Variants in AGPAT3 observed in about 807,000 individuals in gnomAD.
AGPAT3 encodes the protein 1-acyl-sn-glycerol-3-phosphate acyltransferase gamma.
A neutral mutation model predicts 47.3 loss-of-function variants in AGPAT3; 5 were observed. The ratio of observed to expected loss-of-function variants is 0.11; its 90% CI spans 0.06 to 0.22. The LOEUF (loss-of-function observed/expected upper bound fraction) is 0.22. Among genes scored for constraint, AGPAT3 ranks in the 10% least tolerant of loss-of-function variants. AGPAT3 has a pLI of 1.00. For synonymous variants in AGPAT3, 212 were observed against 208.3 expected, an observed-to-expected ratio of 1.02 and a Z score of -0.15; for missense variants, 315 against 493.0, an observed-to-expected ratio of 0.64 and a Z score of 3.42.
rs2087280832 is a variant in AGPAT3 at position 43,932,383 on chromosome 21, T to G, written c.-48-27251T>G. ...GACTTGTCGTTCTGTGACTGGCTGATTATCCACTTAGTGTCGGGTCTACCA... is the reference window on the plus strand; with the variant it reads ...GACTTGTCGTTCTGTGACTGGCTGAGTATCCACTTAGTGTCGGGTCTACCA... On this transcript the variant is annotated intron_variant, in intron 2 of 9. Transcript: ENST00000291572. This position sits in a 1 kb window ranked among gnomAD's most constrained non-coding sequence, Gnocchi z 5.2. Among the ~76,000 whole-genome samples the G allele has an allele frequency of 6.6e-6, 1 of 152,190 alleles. No homozygotes were observed. Among genetic ancestry groups the G allele is most frequent in the South Asian group, 2.1e-4 (1 of 4,828 alleles).
At chr21:43,958,555 TGTG>T (rs759081172) in intron 2 of AGPAT3, among the ~76,000 whole-genome samples, 23 of 151,562 alleles carry the variant, frequency 1.5e-4, no homozygotes, top group Non-Finnish European at 2.4e-4. Context: ...TTGTGGTGTG[TGTG>T]GTGCGTGTGG....
chr21:43,958,802 A>C (rs1268903437), intron 2 of AGPAT3, among the ~76,000 whole-genome samples: 1 of 91,590 alleles, frequency 1.1e-5, no homozygotes, highest in Admixed American at 1.2e-4. Context: ...TGTGGTTTGC[A>C]GTGTGTGTAG....
At chr21:43,912,843 A>G (rs1458016482) in intron 2 of AGPAT3, among the ~76,000 whole-genome samples, 2 of 152,196 alleles carry the variant, frequency 1.3e-5, no homozygotes, top group South Asian at 2.1e-4. Flanking sequence ...CTGTGCATGC[A>G]CGAGGCTGGC....
intron 8 of AGPAT3, 149 bp from the exon 9 acceptor site, chr21:43,980,840 C>T (rs1332803186): frequency 4.1e-6 from 3 of 735,776 alleles, no homozygotes; most frequent in South Asian, 1.8e-5. Flanking sequence ...GCTTCGCCTG[C>T]ACCTGCAGCT....
Position 43,975,068 on chromosome 21 carries a change from TATGTGCTGGCATGTTGC to T in AGPAT3, c.768-2963_768-2947del, listed in dbSNP as rs946415801. Among the ~76,000 whole-genome samples, 5 of 152,184 alleles carry T rather than the reference TATGTGCTGGCATGTTGC, an allele frequency of 3.3e-5. No homozygotes were observed. The South Asian group carries it at 8.3e-4, about 25-fold the overall frequency. ...GTGTTGTGCACTCGCATGTGATGTGTATGTGCTGGCATGTTGCATGTGCTGGCATGTGCCAGTGTGTG... is the reference window on the plus strand; with the variant it reads ...GTGTTGTGCACTCGCATGTGATGTGTATGTGCTGGCATGTGCCAGTGTGTG... On this transcript the variant is annotated intron_variant, in intron 7 of 9. Transcript: ENST00000291572.
chr21:43,899,118 C>T (rs1002297139), intron 1 of AGPAT3, among the ~76,000 whole-genome samples: 9 of 152,272 alleles, frequency 5.9e-5, no homozygotes, highest in Middle Eastern at 6.8e-3. Flanking sequence ...CCTTGAAGTG[C>T]ACGTACATGA....
chr21:43,967,906 A>AG, intron 3 of AGPAT3, 40 bp from the exon 4 acceptor site: 1 of 1,595,066 alleles, frequency 6.3e-7, no homozygotes, highest in Non-Finnish European at 8.6e-7. Flanking sequence ...TCCCAGGAGG[A>AG]GGGGTCCTAC....
At chr21:43,917,553 G>A (rs1299671222) in intron 2 of AGPAT3, among the ~76,000 whole-genome samples, 1 of 152,196 alleles carries the variant, frequency 6.6e-6, no homozygotes, top group South Asian at 2.1e-4. Flanking sequence ...ACAAGAGCAC[G>A]TCGGGTATAA....
In AGPAT3 at chr21:43,955,236, A is replaced by T. The variant is rs2088391372; in HGVS notation, c.-48-4398A>T. 2 of 1,227,470 alleles carry T rather than the reference A, an allele frequency of 1.6e-6. No individual in the cohort carries two copies. The highest frequency in any genetic ancestry group is 3.1e-5 in the African/African-American group (2 of 63,942). 76.0% of individuals were successfully genotyped at this position (1,227,470 alleles called of 1,614,324 possible). On this transcript the variant is annotated intron_variant, in intron 2 of 9. Transcript: ENST00000291572. The surrounding 1 kb of genome is among the most constrained non-coding windows in gnomAD (Gnocchi z 4.1). ...TGGGATTCTGTGTTTGTGAACCTCT[A>T]GAAAAGGTAAATTAACCTATAGAGC...
chr21:43,909,156 C>T (rs372838903), intron 2 of AGPAT3, among the ~76,000 whole-genome samples: 1 of 152,244 alleles, frequency 6.6e-6, no homozygotes, highest in African/African-American at 2.4e-5. Flanking sequence ...GGTCTGGGTG[C>T]TCCAAGGGCC....
At chr21:43,906,838 G>T (rs535806009) in intron 2 of AGPAT3, among the ~76,000 whole-genome samples, 1 of 152,150 alleles carries the variant, frequency 6.6e-6, no homozygotes, top group African/African-American at 2.4e-5. Flanking sequence ...CCCGTGCTCC[G>T]CCTGGGCGAG....
chr21:43,950,761 C>G (rs1410422643), intron 2 of AGPAT3: 1 of 152,318 alleles, frequency 6.6e-6, no homozygotes, highest in Non-Finnish European at 1.5e-5. Context: ...TTCCCTGTTC[C>G]CCAGCCCGCA....
At chr21:43,928,871 T>A (rs1213268051) in intron 2 of AGPAT3, among the ~76,000 whole-genome samples, 1 of 152,186 alleles carries the variant, frequency 6.6e-6, no homozygotes, top group African/African-American at 2.4e-5. Context: ...ACACCAATCC[T>A]CTTTTTGCCC....
chr21:43,981,070 C>T lies in AGPAT3; in HGVS notation c.925C>T (p.Leu309=), dbSNP rs769213682. 2 of 1,614,104 alleles carry T rather than the reference C, an allele frequency of 1.2e-6. No homozygotes were observed. The highest frequency in any genetic ancestry group is 1.3e-5 in the African/African-American group (1 of 74,934). Residue 309 remains leucine (L), a synonymous_variant, in exon 9 of 10, where the codon CTG becomes TTG. Coordinates refer to ENST00000291572, the MANE Select transcript of AGPAT3 (RefSeq NM_020132.5). This position sits in a 1 kb window ranked among gnomAD's most constrained non-coding sequence, Gnocchi z 5.3. ...GCCTGCCCGGAGGCCGTGGACCCTC[C>T]TGAACTTCCTGTCCTGGGCCACCAT... is the stretch of plus-strand genomic sequence containing the variant. ...FKPARRPWTL[L]NFLSWATILL... is the part of the protein sequence containing the mutation.
At chr21:43,949,237 T>C (rs147281317) in intron 2 of AGPAT3, among the ~76,000 whole-genome samples, 2 of 152,328 alleles carry the variant, frequency 1.3e-5, no homozygotes, top group African/African-American at 2.4e-5. Flanking sequence ...CACCTCAAAA[T>C]GTATCAATTT....
chr21:43,876,304 C>G (rs1187221166), intron 1 of AGPAT3, among the ~76,000 whole-genome samples: 3 of 152,160 alleles, frequency 2.0e-5, no homozygotes, highest in African/African-American at 7.2e-5. Context: ...ATTTGAATTT[C>G]TTGAGGGTTG....
chr21:43,873,526 C>T (rs917398436), intron 1 of AGPAT3, among the ~76,000 whole-genome samples: 2 of 151,924 alleles, frequency 1.3e-5, no homozygotes, highest in African/African-American at 4.8e-5. Context: ...TACAGGCGCG[C>T]ACCACCACGC....
chr21:43,949,628 G>A (rs569161607), intron 2 of AGPAT3, among the ~76,000 whole-genome samples: 58 of 152,246 alleles, frequency 3.8e-4, no homozygotes, highest in Non-Finnish European at 5.7e-4. Context: ...GGAGCTGCAC[G>A]TTACTAAGGG....
chr21:43,964,078 C>G (rs139524159), intron 3 of AGPAT3, among the ~76,000 whole-genome samples: 3 of 151,840 alleles, frequency 2.0e-5, no homozygotes, highest in Non-Finnish European at 4.4e-5. Flanking sequence ...GAATCTAAAC[C>G]GTATGTAAAA....
Sources: gnomAD v4.1 joint callset for allele counts (sites outside exome capture counted in the v4.1 genomes callset) on GRCh38, gnomAD v4.1.1 for gene constraint, Gnocchi (gnomAD v3.1) non-coding constraint, MANE v1.5 for transcripts, NCBI Gene and HGNC (gene_info 2026-07-23, HGNC 2026-07-21) for gene names.